The following TMEM40 variants were observed in gnomAD, a reference collection of about 807,000 sequenced individuals.
The protein encoded by TMEM40 is transmembrane protein 40.
Under a neutral mutation model 40.8 loss-of-function variants are expected in TMEM40, and 34 were observed. The observed-to-expected ratio is 0.83, with a 90% CI of 0.63 to 1.11. TMEM40 has a LOEUF of 1.11. Among genes scored for constraint, TMEM40 ranks in the 50% least tolerant of loss-of-function variants. The probability of loss-of-function intolerance (pLI) is 0.00; values close to 1 mark genes in which losing one functional copy is unlikely to be tolerated. For missense variants in TMEM40, 296 were observed against 280.2 expected, an observed-to-expected ratio of 1.06 and a Z score of -0.40; for synonymous variants, 106 against 107.0, an observed-to-expected ratio of 0.99 and a Z score of 0.06.
chr3:12,768,399 C>CTGAT, intron 1 of TMEM40, among the ~76,000 whole-genome samples: 1 of 152,298 alleles, frequency 6.6e-6, no homozygotes, highest in South Asian at 2.1e-4. Context: ...TCACATCCTG[C>CTGAT]TGATTGGTCA....
intron 3 of TMEM40, among the ~76,000 whole-genome samples, chr3:12,745,592 G>T (rs142625465): frequency 1.3e-5 from 2 of 152,190 alleles, no homozygotes; most frequent in African/African-American, 4.8e-5. Flanking sequence ...GGGATTATAG[G>T]TATGTGCCAC....
intron 1 of TMEM40, among the ~76,000 whole-genome samples, chr3:12,764,933 G>A (rs547094227): frequency 1.3e-5 from 2 of 151,992 alleles, no homozygotes; most frequent in East Asian, 1.9e-4. Flanking sequence ...GTGCAGTGGC[G>A]CAATCTCGGC....
chr3:12,734,906 C>G, intron 11 of TMEM40, 113 bp from the exon 12 acceptor site: 1 of 1,278,230 alleles, frequency 7.8e-7, no homozygotes, highest in Non-Finnish European at 1.1e-6. Context: ...TGTAGTCACC[C>G]CAGAAGCCAT....
At chr3:12,760,692 G>A (rs917079742), upstream of TMEM40, among the ~76,000 whole-genome samples, 5 of 151,790 alleles carry the variant, frequency 3.3e-5, no homozygotes, top group South Asian at 4.2e-4. Context: ...TTCTCATTAC[G>A]TATTGCTTTG....
At chr3:12,738,730 G>A in intron 5 of TMEM40, 142 bp from the exon 6 acceptor site, 1 of 809,656 alleles carries the variant, frequency 1.2e-6, no homozygotes, top group Non-Finnish European at 2.0e-6. Flanking sequence ...CGGCTGGAGG[G>A]TTCCTGTTCC....
chr3:12,754,183 G>T (rs921444996), intron 1 of TMEM40, among the ~76,000 whole-genome samples: 1 of 152,120 alleles, frequency 6.6e-6, no homozygotes, highest in Non-Finnish European at 1.5e-5. Context: ...ATGGTGGCGG[G>T]CACCTGTAGT....
At chr3:12,766,849 G>A (rs1474446929) in intron 1 of TMEM40, among the ~76,000 whole-genome samples, 1 of 147,368 alleles carries the variant, frequency 6.8e-6, no homozygotes, top group Non-Finnish European at 1.5e-5. Flanking sequence ...GGCAGAGGGG[G>A]GACCAGGACC....
chr3:12,735,985 C>G (rs573489897), intron 10 of TMEM40, among the ~76,000 whole-genome samples: 6 of 152,206 alleles, frequency 3.9e-5, no homozygotes, highest in African/African-American at 1.2e-4. Context: ...CCCCAATCTC[C>G]TGAGTAACTG....
rs747597102 is a variant in TMEM40, at chr3:12,743,775, G to A, written c.301+125C>T. On this transcript the variant is annotated intron_variant, in intron 4 of 11. Coordinates refer to ENST00000314124, the MANE Select transcript of TMEM40 (RefSeq NM_018306.4). ...AGCATCCTTTATCTATTCTGCTGCT[G>A]TCAGGCTATTTCCTATTTTATCCTG... 5.8e-4 allele frequency: 504 copies of A among 868,596 alleles called. 2 individuals carry two copies. Among genetic ancestry groups the A allele is most frequent in the Admixed American group, 1.0e-3 (39 of 38,484 alleles). The allele number at this position is 868,596 out of a possible 1,614,324, so 53.8% of individuals were successfully genotyped here. A position where few individuals can be genotyped will look rare whatever the true frequency, so the allele number is the denominator to read the frequency against.
In TMEM40 at chr3:12,737,752, C is replaced by G. The variant is rs760390215; in HGVS notation, c.427G>C (p.Glu143Gln). Reference sequence around the variant, plus strand: ...CTTCTTAACTGAGAGGCCTCCACTTCTCCTTAAGAACAAGAGAGAGATGAA... The same window carrying G: ...CTTCTTAACTGAGAGGCCTCCACTTGTCCTTAAGAACAAGAGAGAGATGAA... Reference protein sequence around the residue: ...RRRGSDPASGEVEASQLRRLN... With the variant: ...RRRGSDPASGQVEASQLRRLN... The change falls in exon 8 of 12, where the codon GAA becomes CAA. Residue 143 changes from glutamate (E) to glutamine (Q), a missense_variant and splice_region_variant. By Grantham distance (29) the Glu-to-Gln change is conservative. Coordinates refer to ENST00000314124, the MANE Select transcript of TMEM40 (RefSeq NM_018306.4). 4.3e-6 allele frequency: 7 copies of G among 1,613,926 alleles called. No homozygotes were observed. The East Asian group carries it at 1.6e-4, about 36-fold the overall frequency.
intron 1 of TMEM40, among the ~76,000 whole-genome samples, chr3:12,758,859 T>C (rs2061549507): frequency 6.6e-6 from 1 of 152,186 alleles, no homozygotes; most frequent in Admixed American, 6.5e-5. Context: ...GGACCCTTCA[T>C]TTTACAAGTA....
intron 3 of TMEM40, among the ~76,000 whole-genome samples, chr3:12,744,404 C>G (rs1168589735): frequency 6.6e-6 from 1 of 152,122 alleles, no homozygotes; most frequent in Non-Finnish European, 1.5e-5. Context: ...TCCTGTTTGT[C>G]TGTGTTATTG....
At chr3:12,753,172 C>G (rs1056496767) in intron 1 of TMEM40, among the ~76,000 whole-genome samples, 3 of 149,476 alleles carry the variant, frequency 2.0e-5, no homozygotes, top group African/African-American at 7.4e-5. Context: ...CTCCTCCACA[C>G]ATTTTTCTTT....
At chr3:12,765,882 G>T (rs2061591858) in intron 1 of TMEM40, among the ~76,000 whole-genome samples, 1 of 151,188 alleles carries the variant, frequency 6.6e-6, no homozygotes, top group Non-Finnish European at 1.5e-5. Context: ...CTGAGACATG[G>T]TCTTGCACTG....
chr3:12,750,339 G>C (rs373237231), intron 1 of TMEM40, among the ~76,000 whole-genome samples: 2 of 152,014 alleles, frequency 1.3e-5, no homozygotes, highest in African/African-American at 4.8e-5. Flanking sequence ...CACAAACATG[G>C]CCAACATCCA....
intron 7 of TMEM40, 51 bp downstream of exon 7, chr3:12,738,085 G>A (rs368023145): frequency 5.2e-5 from 84 of 1,609,138 alleles, no homozygotes; most frequent in Middle Eastern, 3.3e-4. Flanking sequence ...CCAACCCATC[G>A]TCTGGAATCC....
intron 1 of TMEM40, among the ~76,000 whole-genome samples, chr3:12,755,229 C>CTTTCTTTCTTTCTTTCTTTCTT (rs1373028614): frequency 9.2e-5 from 6 of 65,550 alleles, no homozygotes; most frequent in African/African-American, 3.2e-4. Flanking sequence ...CTCTCTCTCT[C>CTTTCTTTCTTTCTTTCTTTCTT]TCTCTCTTTC....
At chr3:12,759,706 C>A (rs528944046), upstream of TMEM40, among the ~76,000 whole-genome samples, 2 of 152,188 alleles carry the variant, frequency 1.3e-5, no homozygotes, top group Non-Finnish European at 2.9e-5. Context: ...GGAGAGAGGG[C>A]CTGGGGGCTC....
In TMEM40 at chr3:12,738,186, A is replaced by C. The variant is rs183875671; in HGVS notation, c.392-18T>G. The C allele has an allele frequency of 4.3e-3, 6,951 of 1,613,220 alleles. 24 individuals carry two copies. Among genetic ancestry groups the C allele is most frequent in the Non-Finnish European group, 5.3e-3 (6,227 of 1,179,386 alleles). Reference sequence around the variant, plus strand: ...TCGGAGTCCTGGAAACAAGAAACTCAACATTAGTGCCCAACCCCGCTTGGG... The same window carrying C: ...TCGGAGTCCTGGAAACAAGAAACTCCACATTAGTGCCCAACCCCGCTTGGG... On this transcript the variant is annotated intron_variant, in intron 6 of 11. Coordinates refer to ENST00000314124, the MANE Select transcript of TMEM40 (RefSeq NM_018306.4).
Sources: gnomAD v4.1 joint callset for allele counts (sites outside exome capture counted in the v4.1 genomes callset) on GRCh38, gnomAD v4.1.1 for gene constraint, MANE v1.5 for transcripts, NCBI Gene and HGNC (gene_info 2026-07-23, HGNC 2026-07-21) for gene names.